USP3: variants seen among roughly 807,000 people sequenced by gnomAD.
The protein encoded by USP3 is ubiquitin specific peptidase 3, also known as ubiquitin carboxyl-terminal hydrolase 3.
In USP3, 20 loss-of-function variants were observed where a neutral mutation model predicts 72.3. The observed-to-expected ratio is 0.28, with a 90% CI of 0.19 to 0.40. The LOEUF (loss-of-function observed/expected upper bound fraction) is 0.40, where lower values mean the gene tolerates loss of function less well. USP3 is among the 10% of genes least tolerant of loss of function. The pLI, the probability that USP3 is intolerant of heterozygous loss-of-function variation, is 1.00. For synonymous variants in USP3, 222 were observed against 225.3 expected (o/e 0.99, Z 0.13); for missense variants, 479 against 633.9 (o/e 0.76, Z 2.62).
At chr15:63,539,959 T>C (rs2066219300) in intron 3 of USP3, among the ~76,000 whole-genome samples, 1 of 152,178 alleles carries the variant, frequency 6.6e-6, no homozygotes, top group Non-Finnish European at 1.5e-5. Context: ...CTGTGTGGAG[T>C]GTGTGCATGT....
Position 63,588,565 on chromosome 15 carries a change from T to C in USP3, c.1216-137T>C. On this transcript the variant is annotated intron_variant, in intron 12 of 14. Coordinates refer to ENST00000380324, the MANE Select transcript of USP3 (RefSeq NM_006537.4). The surrounding 1 kb of genome is among the most constrained non-coding windows in gnomAD (Gnocchi z 4.6). ...AGTAAAAGCTAAACCCCTTACAGAA[T>C]GAATGCATAAGGTATGCATGGAAGA... 2.2e-6 allele frequency: 2 copies of C among 927,074 alleles called. No homozygotes were observed. Among genetic ancestry groups the C allele is most frequent in the African/African-American group, 1.7e-5 (1 of 60,554 alleles). 57.4% of individuals were successfully genotyped at this position (927,074 alleles called of 1,614,324 possible). A position where few individuals can be genotyped will look rare whatever the true frequency, so the allele number is the denominator to read the frequency against.
chr15:63,535,277 A>T (rs1053618928), intron 2 of USP3, among the ~76,000 whole-genome samples: 9 of 152,208 alleles, frequency 5.9e-5, no homozygotes, highest in Admixed American at 1.3e-4. Flanking sequence ...GTTACATGTT[A>T]TCTTGAAATA....
chr15:63,559,894 C>T lies in USP3; in HGVS notation c.571C>T (p.Pro191Ser), dbSNP rs748954947. The T allele has an allele frequency of 6.2e-7, 1 of 1,613,876 alleles. No homozygotes were observed. Among genetic ancestry groups the T allele is most frequent in the Non-Finnish European group, 8.5e-7 (1 of 1,179,888 alleles). ...GTTTTGCTGTTATTTCAAAGAACTGCCCGCCGTGGAGTTAAGGAATGGGAA... is the reference window on the plus strand; with the variant it reads ...GTTTTGCTGTTATTTCAAAGAACTGTCCGCCGTGGAGTTAAGGAATGGGAA... Reference protein sequence around the residue: ...EQFCCYFKELPAVELRNGKTA... With the variant: ...EQFCCYFKELSAVELRNGKTA... Residue 191 changes from proline (P) to serine (S), a missense_variant, in exon 7 of 15, where the codon CCC becomes TCC. Coordinates refer to ENST00000380324, the MANE Select transcript of USP3 (RefSeq NM_006537.4).
intron 3 of USP3, among the ~76,000 whole-genome samples, chr15:63,550,371 T>C (rs1399814095): frequency 1.3e-5 from 2 of 152,172 alleles, no homozygotes; most frequent in Non-Finnish European, 2.9e-5. Context: ...GGCACAAATA[T>C]TTGCATTGTG....
chr15:63,509,390 T>G (rs1595699170), intron 1 of USP3, among the ~76,000 whole-genome samples: 1 of 152,182 alleles, frequency 6.6e-6, no homozygotes, highest in East Asian at 1.9e-4. Context: ...TTCCCCAGAA[T>G]GCTTTCACTA....
At chr15:63,533,838 CT>C (rs769917581) in intron 2 of USP3, 86 of 1,228,504 alleles carry the variant, frequency 7.0e-5, no homozygotes, top group East Asian at 1.9e-4. Context: ...GTACAGATAA[CT>C]TTTTTTTAAA....
chr15:63,572,732 T>C (rs942080188), intron 9 of USP3, among the ~76,000 whole-genome samples: 1 of 152,190 alleles, frequency 6.6e-6, no homozygotes, highest in Admixed American at 6.5e-5. Context: ...CTACCTTATA[T>C]TGCTATTAGC....
In USP3 at chr15:63,548,534, G is replaced by T. The variant is rs974546805; in HGVS notation, c.285-5181G>T. On this transcript the variant is annotated intron_variant, in intron 3 of 14. Coordinates refer to ENST00000380324, the MANE Select transcript of USP3 (RefSeq NM_006537.4). Reference sequence around the variant, plus strand: ...GTAGAGACAGGGTTTCACCATGTTGGTCAGGCTGATCGCGAACTCCTGACC... The same window carrying T: ...GTAGAGACAGGGTTTCACCATGTTGTTCAGGCTGATCGCGAACTCCTGACC... Among the ~76,000 whole-genome samples the T allele has an allele frequency of 3.9e-5, 6 of 152,092 alleles. No individual in the cohort carries two copies. The East Asian group carries it at 7.8e-4, about 20-fold the overall frequency.
chr15:63,533,090 C>A (rs1023922319), intron 2 of USP3, among the ~76,000 whole-genome samples: 5 of 151,986 alleles, frequency 3.3e-5, no homozygotes, highest in African/African-American at 1.2e-4. Context: ...AACCCCATGT[C>A]CCATTCACCC....
chr15:63,558,127 G>A lies in USP3; in HGVS notation c.472G>A (p.Ala158Thr). Reference protein sequence around the residue: ...KVNGSTTAICATGLRNLGNTC... With the variant: ...KVNGSTTAICTTGLRNLGNTC... ...ACAGGGAAGCACCACTGCCATTTGT[G>A]CCACAGGCCTTCGGAATTTGGGGAA... The change falls in exon 6 of 15, where the codon GCC (alanine) becomes ACC (threonine). Residue 158 changes from alanine to threonine, a missense_variant. Coordinates refer to ENST00000380324, the MANE Select transcript of USP3 (RefSeq NM_006537.4). 1.9e-6 allele frequency: 3 copies of A among 1,614,090 alleles called. No homozygotes were observed. Among genetic ancestry groups the A allele is most frequent in the Non-Finnish European group, 2.5e-6 (3 of 1,180,020 alleles).
chr15:63,571,373 T>A (rs187734744), intron 9 of USP3, among the ~76,000 whole-genome samples: 96 of 152,318 alleles, frequency 6.3e-4, no homozygotes, highest in African/African-American at 2.3e-3. Context: ...TAGGACTACT[T>A]CTTTTTAATG....
chr15:63,517,370 G>T (rs1197384837), intron 1 of USP3, among the ~76,000 whole-genome samples: 1 of 152,128 alleles, frequency 6.6e-6, no homozygotes, highest in South Asian at 2.1e-4. Context: ...TTCAGAGTAT[G>T]TTGGTTTTGA....
intron 1 of USP3, among the ~76,000 whole-genome samples, chr15:63,520,125 G>C (rs2065900346): frequency 6.6e-6 from 1 of 152,108 alleles, no homozygotes; most frequent in African/African-American, 2.4e-5. Context: ...GCACAGTAGA[G>C]CTGAGAAATA....
At chr15:63,539,656 G>C (rs1405135784) in intron 3 of USP3, among the ~76,000 whole-genome samples, 1 of 152,180 alleles carries the variant, frequency 6.6e-6, no homozygotes, top group Non-Finnish European at 1.5e-5. Context: ...CTTGAACCTT[G>C]GGGAGTATAC....
At chr15:63,517,167 A>G (rs1031562070) in intron 1 of USP3, among the ~76,000 whole-genome samples, 1 of 152,048 alleles carries the variant, frequency 6.6e-6, no homozygotes, top group Admixed American at 6.5e-5. Context: ...CTTATTTAAC[A>G]TTAGGTATAT....
chr15:63,588,648 G>A lies in USP3; in HGVS notation c.1216-54G>A. On this transcript the variant is annotated intron_variant, in intron 12 of 14. Transcript: ENST00000380324. This position sits in a 1 kb window ranked among gnomAD's most constrained non-coding sequence, Gnocchi z 4.6. ...TGAACTGATAGTAGTATCAAACTTTGACTGAAAGGTAAATTAGGTGTTCAC... is the reference window on the plus strand; with the variant it reads ...TGAACTGATAGTAGTATCAAACTTTAACTGAAAGGTAAATTAGGTGTTCAC... 1 of 1,362,686 alleles carries A rather than the reference G, an allele frequency of 7.3e-7. No homozygotes were observed. The allele number at this position is 1,362,686 out of a possible 1,614,324, so 84.4% of individuals were successfully genotyped here. A position where few individuals can be genotyped will look rare whatever the true frequency, so the allele number is the denominator to read the frequency against.
chr15:63,523,182 A>G (rs2065940750), intron 1 of USP3, among the ~76,000 whole-genome samples: 1 of 152,184 alleles, frequency 6.6e-6, no homozygotes, highest in Non-Finnish European at 1.5e-5. Context: ...ATTCTGGTGT[A>G]GGAGGATTTT....
intron 14 of USP3, chr15:63,589,233 C>A: frequency 1.8e-6 from 1 of 568,976 alleles, no homozygotes; most frequent in Non-Finnish European, 3.1e-6. Context: ...CATTTGAACC[C>A]AGTATTTACG....
chr15:63,548,139 A>G (rs1595736587), intron 3 of USP3, among the ~76,000 whole-genome samples: 1 of 150,796 alleles, frequency 6.6e-6, no homozygotes, highest in South Asian at 2.1e-4. Flanking sequence ...ACAAAAAACT[A>G]AAAAAAAATC....
Sources: gnomAD v4.1 joint callset for allele counts (sites outside exome capture counted in the v4.1 genomes callset) on GRCh38, gnomAD v4.1.1 for gene constraint, Gnocchi (gnomAD v3.1) non-coding constraint, MANE v1.5 for transcripts, NCBI Gene and HGNC (gene_info 2026-07-23, HGNC 2026-07-21) for gene names.